Variants in SLC9B1 observed in about 807,000 individuals in gnomAD.
The protein encoded by SLC9B1 is sodium/hydrogen exchanger 9B1.
Under a neutral mutation model 51.7 loss-of-function variants are expected in SLC9B1, and 32 were observed. The ratio of observed to expected loss-of-function variants is 0.62; its 90% CI spans 0.47 to 0.83. The LOEUF is 0.83. SLC9B1 is among the 40% of genes least tolerant of loss of function. SLC9B1 has a pLI of 0.00. For synonymous variants in SLC9B1, 145 were observed against 212.7 expected, an observed-to-expected ratio of 0.68 and a Z score of 2.77; for missense variants, 406 against 613.2, an observed-to-expected ratio of 0.66 and a Z score of 3.57.
At chr4:102,919,824 C>T (rs1407573209) in intron 7 of SLC9B1, among the ~76,000 whole-genome samples, 1 of 152,222 alleles carries the variant, frequency 6.6e-6, no homozygotes, top group Non-Finnish European at 1.5e-5. Flanking sequence ...AGTCTGAGAT[C>T]CATCTGCGAG....
intron 11 of SLC9B1, among the ~76,000 whole-genome samples, chr4:102,903,831 C>T (rs1734899895): frequency 6.6e-6 from 1 of 152,176 alleles, no homozygotes; most frequent in African/African-American, 2.4e-5. Context: ...GCATGTCAGG[C>T]ACTGTGTTAA....
intron 1 of SLC9B1, among the ~76,000 whole-genome samples, chr4:103,012,474 G>C (rs1741132115): frequency 1.3e-5 from 2 of 152,166 alleles, no homozygotes; most frequent in Non-Finnish European, 2.9e-5. Context: ...ACCTTCATCA[G>C]AATTGCCCTT....
intron 3 of SLC9B1, among the ~76,000 whole-genome samples, chr4:102,981,554 G>A (rs1159923255): frequency 6.6e-6 from 1 of 152,092 alleles, no homozygotes; most frequent in Non-Finnish European, 1.5e-5. Context: ...ATCCTAATAG[G>A]TGTGTAGTGG....
At chr4:102,993,653 C>G (rs941063417) in intron 1 of SLC9B1, among the ~76,000 whole-genome samples, 2 of 152,200 alleles carry the variant, frequency 1.3e-5, no homozygotes, top group East Asian at 3.9e-4. Context: ...GGGCTCCAAC[C>G]CCACATTTTT....
At chr4:102,991,756 A>G (rs879807315) in intron 1 of SLC9B1, 44 bp from the exon 2 acceptor site, 1 of 1,339,428 alleles carries the variant, frequency 7.5e-7, no homozygotes, top group Non-Finnish European at 1.0e-6. Context: ...AAACAAGACT[A>G]TAAATCCATA....
chr4:102,930,182 C>G (rs1736379913), intron 7 of SLC9B1, among the ~76,000 whole-genome samples: 4 of 152,132 alleles, frequency 2.6e-5, no homozygotes, highest in Admixed American at 2.6e-4. Context: ...AGAGATCCCT[C>G]CTTCACCTAT....
intron 1 of SLC9B1, among the ~76,000 whole-genome samples, chr4:103,009,023 C>T (rs986738784): frequency 6.6e-5 from 10 of 152,066 alleles, no homozygotes; most frequent in African/African-American, 1.9e-4. Context: ...TGGTTTTGAT[C>T]TCCTGACCTC....
At chr4:102,906,071 G>T (rs1735029409) in intron 10 of SLC9B1, among the ~76,000 whole-genome samples, 1 of 152,112 alleles carries the variant, frequency 6.6e-6, no homozygotes, top group Non-Finnish European at 1.5e-5. Context: ...GAGTAGCTGG[G>T]ATTACAGACG....
At chr4:102,940,851 CTT>C (rs1252123437) in intron 6 of SLC9B1, among the ~76,000 whole-genome samples, 2 of 152,152 alleles carry the variant, frequency 1.3e-5, no homozygotes, top group Non-Finnish European at 2.9e-5. Flanking sequence ...CTTCAACAAA[CTT>C]GACAAAAACA....
intron 11 of SLC9B1, among the ~76,000 whole-genome samples, chr4:102,894,869 G>C (rs973785210): frequency 6.6e-6 from 1 of 152,090 alleles, no homozygotes; most frequent in African/African-American, 2.4e-5. Flanking sequence ...GGAGGTTGGG[G>C]CTTCAGTGAG....
At chr4:102,904,470 C>CAT (rs35820442) in intron 11 of SLC9B1, among the ~76,000 whole-genome samples, 87,253 of 151,600 alleles carry the variant, frequency 0.58, 26,389 homozygotes, top group African/African-American at 0.78. Flanking sequence ...AAATAAAAAA[C>CAT]ATTTTCATAA....
At chr4:103,008,523 C>T (rs1302910106) in intron 1 of SLC9B1, among the ~76,000 whole-genome samples, 1 of 151,286 alleles carries the variant, frequency 6.6e-6, no homozygotes, top group East Asian at 1.9e-4. Context: ...CTGGGACTAC[C>T]GACGTGAGTC....
intron 3 of SLC9B1, among the ~76,000 whole-genome samples, chr4:102,984,636 T>C (rs896355667): frequency 2.6e-5 from 4 of 152,208 alleles, no homozygotes; most frequent in Non-Finnish European, 5.9e-5. Flanking sequence ...GAATGTTCCA[T>C]ATTAGCCGGA....
intron 1 of SLC9B1, among the ~76,000 whole-genome samples, chr4:103,006,798 A>G (rs768577815): frequency 6.6e-6 from 1 of 152,234 alleles, no homozygotes; most frequent in Non-Finnish European, 1.5e-5. Context: ...ACGATCAAGT[A>G]GACTTTATCC....
chr4:102,927,785 T>C (rs1019576453), intron 7 of SLC9B1, among the ~76,000 whole-genome samples: 3 of 152,236 alleles, frequency 2.0e-5, no homozygotes, highest in Admixed American at 1.3e-4. Flanking sequence ...TGTATGTTTA[T>C]TTCGGCACTA....
chr4:102,935,599 C>A (rs186721964), intron 6 of SLC9B1, among the ~76,000 whole-genome samples: 4 of 152,130 alleles, frequency 2.6e-5, no homozygotes, highest in African/African-American at 9.7e-5. Context: ...GAATAAACTA[C>A]GTGTGTATCC....
chr4:103,013,468 T>C (rs1226989046), intron 1 of SLC9B1, among the ~76,000 whole-genome samples: 2 of 152,222 alleles, frequency 1.3e-5, no homozygotes, highest in African/African-American at 4.8e-5. Context: ...CTCAGAATTC[T>C]TCTCTATGCC....
chr4:103,003,819 C>T (rs984365967), intron 1 of SLC9B1, among the ~76,000 whole-genome samples: 2 of 152,158 alleles, frequency 1.3e-5, no homozygotes, highest in Non-Finnish European at 2.9e-5. Context: ...CAGCACACAG[C>T]TGAGGAGAGC....
In SLC9B1 at chr4:102,932,139, T is replaced by C. The variant is rs755979843; in HGVS notation, c.814A>G (p.Ile272Val). ...TCTTGTTTACCTGAGGAAAAGACTA[T>C]GCTCAAGCATGTATTGAATCCAGTG... ...AITGFNTCLSIVFSSGGILNN... is the reference protein window; with the variant it reads ...AITGFNTCLSVVFSSGGILNN... Residue 272 changes from isoleucine to valine, a missense_variant, in exon 7 of 12, where the codon ATA becomes GTA. By Grantham distance (29) the Ile-to-Val change is conservative. Around this residue, in one of 6 missense-constraint regions of SLC9B1, gnomAD observed 250 missense variants for 394.1 expected, o/e 0.63. Transcript: ENST00000296422. 3 of 1,611,968 alleles carry C rather than the reference T, an allele frequency of 1.9e-6. No individual in the cohort carries two copies. Among genetic ancestry groups the C allele is most frequent in the South Asian group, 2.2e-5 (2 of 90,988 alleles).
Sources: allele counts gnomAD v4.1 joint callset (sites outside exome capture counted in the v4.1 genomes callset), GRCh38; gene constraint gnomAD v4.1.1; regional missense constraint gnomAD v4.1.1; transcripts MANE v1.5; gene names NCBI Gene and HGNC (gene_info 2026-07-23, HGNC 2026-07-21).